The following SLC3A2 variants were observed in gnomAD, a reference collection of about 807,000 sequenced individuals.
The protein encoded by SLC3A2 is amino acid transporter heavy chain SLC3A2.
A neutral mutation model predicts 48.5 loss-of-function variants in SLC3A2; 32 were observed. That is an observed-to-expected ratio of 0.66 (90% confidence interval 0.50 to 0.89). The LOEUF is 0.89. Among genes scored for constraint, SLC3A2 ranks in the 40% least tolerant of loss-of-function variants. SLC3A2 has a pLI of 0.00. For missense variants in SLC3A2, 587 were observed against 680.7 expected (o/e 0.86, Z 1.53); for synonymous variants, 277 against 288.8 (o/e 0.96, Z 0.41).
At chr11:62,867,516 T>C (rs2085466502) in intron 1 of SLC3A2, among the ~76,000 whole-genome samples, 1 of 151,004 alleles carries the variant, frequency 6.6e-6, no homozygotes, top group Admixed American at 6.6e-5. Flanking sequence ...AGTAGAGACG[T>C]GGTTTCACCA....
intron 1 of SLC3A2, among the ~76,000 whole-genome samples, chr11:62,859,830 T>C (rs1229365639): frequency 6.6e-6 from 1 of 152,230 alleles, no homozygotes; most frequent in Non-Finnish European, 1.5e-5. Context: ...GGCTCACGCC[T>C]GTAATCCTGA....
intron 1 of SLC3A2, among the ~76,000 whole-genome samples, chr11:62,873,210 C>T (rs956058946): frequency 5.3e-5 from 8 of 151,764 alleles, no homozygotes; most frequent in South Asian, 4.2e-4. Flanking sequence ...TTTTTGTGGC[C>T]GGGCCTGGTG....
chr11:62,881,357 C>G lies in SLC3A2; in HGVS notation c.334C>G (p.Leu112Val). Residue 112 changes from leucine to valine, a missense_variant, in exon 1 of 9, where the codon CTA becomes GTA. This residue lies in a region of SLC3A2 where 409 missense variants were observed against 446.7 expected (regional missense o/e 0.92). Coordinates refer to ENST00000338663, the MANE Select transcript of SLC3A2 (RefSeq NM_001013251.3). This position sits in a 1 kb window ranked among gnomAD's most constrained non-coding sequence, Gnocchi z 4.0. ...IIVRAPRCRE[L>V]PAQKWWHTGA... ...CGTGCGAGCGCCGCGTTGTCGCGAG[C>G]TACCGGCGCAGAAGTGGTGGCACAC... The G allele has an allele frequency of 6.3e-7, 1 of 1,596,474 alleles. No individual in the cohort carries two copies. The highest frequency in any genetic ancestry group is 8.5e-7 in the Non-Finnish European group (1 of 1,176,262).
chr11:62,870,191 AT>A (rs1048883000), intron 1 of SLC3A2, among the ~76,000 whole-genome samples: 2 of 146,272 alleles, frequency 1.4e-5, no homozygotes, highest in East Asian at 2.1e-4. Flanking sequence ...TTATTTATTT[AT>A]TTTTTTTTGA....
Position 62,888,376 on chromosome 11 carries a change from C to T in SLC3A2, c.1273C>T (p.Leu425=). 1 of 1,614,222 alleles carries T rather than the reference C, an allele frequency of 6.2e-7. No homozygotes were observed. The highest frequency in any genetic ancestry group is 8.5e-7 in the Non-Finnish European group (1 of 1,180,030). ...CTCCCTCCTTTCCTTGTTCCGGCGG[C>T]TGAGTGACCAGCGGAGTAAGGAGCG... ...PGSLLSLFRR[L]SDQRSKERSL... is the part of the protein sequence containing the mutation. Residue 425 remains leucine (L), a synonymous_variant, in exon 9 of 9, where the codon CTG becomes TTG. Coordinates refer to ENST00000338663, the MANE Select transcript of SLC3A2 (RefSeq NM_001013251.3).
chr11:62,880,880 G>T (rs2085624172), upstream of SLC3A2: 2 of 1,421,840 alleles, frequency 1.4e-6, no homozygotes, highest in Admixed American at 6.0e-5. Context: ...CCCAGAGGCC[G>T]CGCCTGCTGC....
At chr11:62,862,379 A>G (rs1294579927) in intron 1 of SLC3A2, among the ~76,000 whole-genome samples, 2 of 143,848 alleles carry the variant, frequency 1.4e-5, no homozygotes, top group Non-Finnish European at 3.0e-5. Flanking sequence ...AACAGGGCCA[A>G]TGGCTCACAC....
upstream of SLC3A2, among the ~76,000 whole-genome samples, chr11:62,879,722 C>T (rs1296496603): frequency 6.6e-6 from 1 of 152,220 alleles, no homozygotes; most frequent in East Asian, 1.9e-4. Context: ...GGAGAAAGAA[C>T]CGATTTCCTC....
chr11:62,882,103 A>G (rs1335354142), intron 2 of SLC3A2, 37 bp downstream of exon 2: 1 of 1,612,514 alleles, frequency 6.2e-7, no homozygotes, highest in Admixed American at 1.7e-5. Flanking sequence ...ACAGCTAGAA[A>G]GGACTTGGCC....
chr11:62,861,638 G>A (rs1225181518), intron 1 of SLC3A2, among the ~76,000 whole-genome samples: 3 of 152,166 alleles, frequency 2.0e-5, no homozygotes, highest in South Asian at 2.1e-4. Context: ...CTGGTCGGTC[G>A]GGCACAGTGG....
chr11:62,880,002 G>A (rs1565251883), upstream of SLC3A2, among the ~76,000 whole-genome samples: 1 of 152,278 alleles, frequency 6.6e-6, no homozygotes, highest in East Asian at 1.9e-4. Flanking sequence ...CTGCAAGGTG[G>A]GTAAGAGTCT....
At chr11:62,876,904 G>C (rs1323845639), upstream of SLC3A2, 1 of 1,001,976 alleles carries the variant, frequency 1.0e-6, no homozygotes, top group Non-Finnish European at 1.2e-6. Context: ...CTGGCAGTTT[G>C]TTTTATTTTG....
chr11:62,881,945 G>A lies in SLC3A2; in HGVS notation c.477G>A (p.Val159=). ...YLSSLKVKGL[V]LGPIHKNQKD... is the part of the protein sequence containing the mutation. ...GCTCTCTGAAGGTGAAGGGCCTTGT[G>A]CTGGGTCCAATTCACAAGAACCAGA... Residue 159 remains valine (V), a synonymous_variant, in exon 2 of 9, where the codon GTG becomes GTA. Transcript: ENST00000338663. This position sits in a 1 kb window ranked among gnomAD's most constrained non-coding sequence, Gnocchi z 4.0. 6.2e-7 allele frequency: 1 copy of A among 1,614,160 alleles called. No homozygotes were observed. The highest frequency in any genetic ancestry group is 8.5e-7 in the Non-Finnish European group (1 of 1,180,032).
chr11:62,886,299 A>G (rs2085712977), intron 7 of SLC3A2: 1 of 151,748 alleles, frequency 6.6e-6, no homozygotes. Context: ...CAAAAAAAAA[A>G]AGAAAAGAAA....
At chr11:62,866,095 C>T (rs1463454426) in intron 1 of SLC3A2, among the ~76,000 whole-genome samples, 1 of 151,610 alleles carries the variant, frequency 6.6e-6, no homozygotes, top group Non-Finnish European at 1.5e-5. Flanking sequence ...TATATCTATT[C>T]CAGCATGCCC....
chr11:62,882,484 A>G, intron 2 of SLC3A2: 1 of 187,734 alleles, frequency 5.3e-6, no homozygotes. Flanking sequence ...CTGCCTTCCA[A>G]TATCTTTTTT....
At position 62,880,952 on chromosome 11, in the gene SLC3A2, C is replaced by T; in HGVS notation, c.-72C>T. 6.7e-7 allele frequency: 1 copy of T among 1,492,310 alleles called. No individual in the cohort carries two copies. Among genetic ancestry groups the T allele is most frequent in the Non-Finnish European group, 8.9e-7 (1 of 1,122,338 alleles). 92.4% of individuals were successfully genotyped at this position (1,492,310 alleles called of 1,614,324 possible). Reference sequence around the variant, plus strand: ...AGAGGCCGGGGAGAGCGTTCTGGGTCCGAGGGTCCAGGTAGGGGTTGAGCC... The same window carrying T: ...AGAGGCCGGGGAGAGCGTTCTGGGTTCGAGGGTCCAGGTAGGGGTTGAGCC... On this transcript the variant is annotated 5_prime_UTR_variant, in exon 1 of 9. Transcript: ENST00000338663.
upstream of SLC3A2, among the ~76,000 whole-genome samples, chr11:62,878,992 C>T (rs562636677): frequency 7.2e-5 from 11 of 151,942 alleles, no homozygotes; most frequent in South Asian, 1.5e-3. Context: ...AGGCTGGTCA[C>T]GAACTCCTGA....
chr11:62,880,409 G>C (rs891909230), upstream of SLC3A2: 11 of 152,512 alleles, frequency 7.2e-5, no homozygotes, highest in Non-Finnish European at 1.2e-4. Flanking sequence ...CCAAGTCCCA[G>C]AGGCCTGAGA....
Sources: gnomAD v4.1 joint callset for allele counts (sites outside exome capture counted in the v4.1 genomes callset) on GRCh38, gnomAD v4.1.1 for gene constraint, gnomAD v4.1.1 regional missense constraint, Gnocchi (gnomAD v3.1) non-coding constraint, MANE v1.5 for transcripts, NCBI Gene and HGNC (gene_info 2026-07-23, HGNC 2026-07-21) for gene names.